Variants in CCSER1 observed in about 807,000 individuals in gnomAD.
CCSER1 encodes serine-rich coiled-coil domain-containing protein 1.
CCSER1 carries 41 observed loss-of-function variants against 82.0 expected under a neutral mutation model. That is an observed-to-expected ratio of 0.50 (90% CI 0.39 to 0.65). The LOEUF is 0.65. Among genes scored for constraint, CCSER1 ranks in the 30% least tolerant of loss-of-function variants. The pLI is 0.00. For synonymous variants in CCSER1, 414 were observed against 383.9 expected (o/e 1.08, Z -0.92); for missense variants, 1,119 against 1,064.2 (o/e 1.05, Z -0.72).
At chr4:90,624,083 A>G (rs2148893780) in intron 5 of CCSER1, among the ~76,000 whole-genome samples, 1 of 152,310 alleles carries the variant, frequency 6.6e-6, no homozygotes, top group Non-Finnish European at 1.5e-5. Flanking sequence ...ATGCTTATTT[A>G]TTATGCCAGG....
intron 7 of CCSER1, among the ~76,000 whole-genome samples, chr4:90,747,747 A>G (rs1376187058): frequency 6.6e-6 from 1 of 150,790 alleles, no homozygotes; most frequent in Non-Finnish European, 1.5e-5. Context: ...GGTGCGCTGC[A>G]CCCAGTAACT....
chr4:91,399,371 A>G (rs912048062), intron 10 of CCSER1, among the ~76,000 whole-genome samples: 1 of 151,928 alleles, frequency 6.6e-6, no homozygotes, highest in Non-Finnish European at 1.5e-5. Flanking sequence ...TTATGTGCCA[A>G]GGTGTCCTAA....
At chr4:90,165,297 T>C (rs1409176696) in intron 1 of CCSER1, among the ~76,000 whole-genome samples, 1 of 152,048 alleles carries the variant, frequency 6.6e-6, no homozygotes, top group African/African-American at 2.4e-5. Flanking sequence ...CTCTAAAGAA[T>C]AGGAAAACAA....
At chr4:90,709,370 G>A (rs941427320) in intron 6 of CCSER1, among the ~76,000 whole-genome samples, 8 of 151,956 alleles carry the variant, frequency 5.3e-5, no homozygotes, top group African/African-American at 7.3e-5. Flanking sequence ...GTTGCACAGA[G>A]CATCCCATCA....
chr4:90,878,803 C>T (rs1438866097), intron 8 of CCSER1, among the ~76,000 whole-genome samples: 1 of 152,078 alleles, frequency 6.6e-6, no homozygotes, highest in Admixed American at 6.6e-5. Context: ...ATGTCTGTAC[C>T]TCTGATTTCC....
chr4:90,367,262 A>G (rs995059925), intron 3 of CCSER1, among the ~76,000 whole-genome samples: 2 of 151,938 alleles, frequency 1.3e-5, no homozygotes, highest in African/African-American at 4.8e-5. Flanking sequence ...AAAATTCCCT[A>G]CAAAAAGTGC....
At chr4:91,230,644 A>G (rs1581810376) in intron 10 of CCSER1, among the ~76,000 whole-genome samples, 3 of 152,080 alleles carry the variant, frequency 2.0e-5, no homozygotes, top group African/African-American at 7.2e-5. Context: ...AAAACACACA[A>G]AACAAAGGAA....
intron 10 of CCSER1, among the ~76,000 whole-genome samples, chr4:91,146,009 A>G (rs1348564420): frequency 6.6e-6 from 1 of 152,136 alleles, no homozygotes; most frequent in African/African-American, 2.4e-5. Context: ...TCTAGAAAAT[A>G]TGTTTTCCAA....
intron 5 of CCSER1, among the ~76,000 whole-genome samples, chr4:90,486,818 A>G (rs1424990451): frequency 6.6e-6 from 1 of 152,224 alleles, no homozygotes; most frequent in African/African-American, 2.4e-5. Context: ...GGAAGACTGC[A>G]TGTATTGAAG....
chr4:90,174,517 A>G (rs747261880), intron 1 of CCSER1, among the ~76,000 whole-genome samples: 19 of 151,988 alleles, frequency 1.3e-4, no homozygotes, highest in Non-Finnish European at 2.5e-4. Flanking sequence ...CTATGTCTCA[A>G]TGCACAGATG....
At chr4:91,419,465 A>G (rs1366521775) in intron 10 of CCSER1, among the ~76,000 whole-genome samples, 1 of 152,102 alleles carries the variant, frequency 6.6e-6, no homozygotes, top group Non-Finnish European at 1.5e-5. Context: ...CAGTTACAGT[A>G]GCATCGACGA....
At chr4:90,611,012 G>C (rs1188899402) in intron 5 of CCSER1, among the ~76,000 whole-genome samples, 3 of 150,812 alleles carry the variant, frequency 2.0e-5, no homozygotes, top group South Asian at 4.2e-4. Context: ...TGAGTAGCTG[G>C]GTTTACAGGC....
At chr4:91,034,652 T>C (rs1049641749) in intron 9 of CCSER1, among the ~76,000 whole-genome samples, 1 of 152,186 alleles carries the variant, frequency 6.6e-6, no homozygotes, top group African/African-American at 2.4e-5. Flanking sequence ...GTCTATAAGT[T>C]ACTTAATTTA....
chr4:90,625,472 T>G lies in CCSER1; in HGVS notation c.1725-2553T>G, dbSNP rs185403584. On this transcript the variant is annotated intron_variant, in intron 5 of 10. Coordinates refer to ENST00000509176, the MANE Select transcript of CCSER1 (RefSeq NM_001145065.2). ...GTGGCAACCCCATTTAACAGATCTT[T>G]CACTAACTGTTTCAACCTAATTAAG... Among the ~76,000 whole-genome samples, 523 of 152,296 alleles carry G rather than the reference T, an allele frequency of 3.4e-3. 4 individuals carry two copies. The Middle Eastern group carries it at 0.037, about 11-fold the overall frequency.
intron 10 of CCSER1, among the ~76,000 whole-genome samples, chr4:91,221,820 A>G (rs952879179): frequency 5.9e-5 from 9 of 152,150 alleles, no homozygotes; most frequent in Admixed American, 4.6e-4. Context: ...ATAAATAGCT[A>G]GAGTCCAGTG....
At chr4:90,217,413 G>A (rs1741270070) in intron 1 of CCSER1, among the ~76,000 whole-genome samples, 1 of 152,108 alleles carries the variant, frequency 6.6e-6, no homozygotes, top group Non-Finnish European at 1.5e-5. Context: ...TGGCCAGGCT[G>A]GTCTCAAAAC....
intron 8 of CCSER1, among the ~76,000 whole-genome samples, chr4:90,905,330 T>G (rs1409842310): frequency 6.7e-6 from 1 of 150,210 alleles, no homozygotes; most frequent in Non-Finnish European, 1.5e-5. Context: ...GTGCCAATAT[T>G]CTCCTTGCTC....
At chr4:91,034,273 C>T (rs903044011) in intron 9 of CCSER1, among the ~76,000 whole-genome samples, 4 of 152,126 alleles carry the variant, frequency 2.6e-5, no homozygotes, top group African/African-American at 7.2e-5. Context: ...CAGTATGCAC[C>T]GTCAGTTCAG....
intron 1 of CCSER1, among the ~76,000 whole-genome samples, chr4:90,184,981 A>C (rs1398877493): frequency 6.6e-6 from 1 of 152,098 alleles, no homozygotes; most frequent in Non-Finnish European, 1.5e-5. Context: ...GGTTTTGACA[A>C]GAATTTGGAT....
Sources: allele counts gnomAD v4.1 joint callset (sites outside exome capture counted in the v4.1 genomes callset), GRCh38; gene constraint gnomAD v4.1.1; transcripts MANE v1.5; gene names NCBI Gene and HGNC (gene_info 2026-07-23, HGNC 2026-07-21).